Variants in DLG2 observed in about 807,000 individuals in gnomAD.
The protein encoded by DLG2 is disks large homolog 2.
DLG2 carries 45 observed loss-of-function variants against 132.5 expected under a neutral mutation model. The observed-to-expected ratio is 0.34, with a 90% CI of 0.27 to 0.44. The LOEUF (loss-of-function observed/expected upper bound fraction) is 0.44. Ranked by LOEUF, DLG2 falls within the 20% of genes least tolerant of loss-of-function variation. DLG2 has a pLI of 1.00. For missense variants in DLG2, 1,045 were observed against 1,196.9 expected, an observed-to-expected ratio of 0.87 and a Z score of 1.87; for synonymous variants, 424 against 419.6, an observed-to-expected ratio of 1.01 and a Z score of -0.13.
chr11:83,904,817 T>A (rs2154102874), intron 15 of DLG2, among the ~76,000 whole-genome samples: 1 of 152,264 alleles, frequency 6.6e-6, no homozygotes, highest in South Asian at 2.1e-4. Flanking sequence ...CACCTGGCCT[T>A]CTTTGTGTTG....
Position 84,425,809 on chromosome 11 carries a change from C to T in DLG2, c.519+108761G>A, listed in dbSNP as rs555376822. ...TCTGAAGATCTCAAAACTGTGCATC[C>T]TAGAGCAGAGGTAATAAAAATTGTT... On this transcript the variant is annotated intron_variant, in intron 7 of 27. Transcript: ENST00000376104. 3.6e-4 allele frequency among the ~76,000 whole-genome samples: 55 copies of T among 152,172 alleles called. 1 individual carries two copies. The South Asian group carries it at 0.011, about 29-fold the overall frequency.
intron 14 of DLG2, among the ~76,000 whole-genome samples, chr11:83,935,327 C>T (rs1408108589): frequency 2.0e-5 from 3 of 152,066 alleles, no homozygotes; most frequent in Non-Finnish European, 4.4e-5. Flanking sequence ...AATTCCAGTC[C>T]TGGGCTAATA....
rs189556699 is a variant in DLG2, at chr11:85,038,368, A to G, written c.357+73293T>C. On this transcript the variant is annotated intron_variant, in intron 6 of 27. Coordinates refer to ENST00000376104, the MANE Select transcript of DLG2 (RefSeq NM_001142699.3). ...AAAAAAAGTTTTACTTAAATAGCAT[A>G]ATAGTAATTGCTGACAATTCATCTC... is the stretch of plus-strand genomic sequence containing the variant. Among the ~76,000 whole-genome samples the G allele has an allele frequency of 4.5e-4, 69 of 152,212 alleles. 2 individuals are homozygous for G. Among genetic ancestry groups the G allele is most frequent in the African/African-American group, 1.5e-3 (62 of 41,556 alleles).
chr11:84,415,064 T>TA (rs2098924363), intron 7 of DLG2, among the ~76,000 whole-genome samples: 1 of 152,172 alleles, frequency 6.6e-6, no homozygotes, highest in Non-Finnish European at 1.5e-5. Flanking sequence ...CAAATTTCAA[T>TA]ATGCAAAGCA....
At chr11:84,768,836 C>G (rs2068811963) in intron 6 of DLG2, among the ~76,000 whole-genome samples, 1 of 152,054 alleles carries the variant, frequency 6.6e-6, no homozygotes, top group Non-Finnish European at 1.5e-5. Context: ...CCAAGAATCT[C>G]TCCTTTCCCA....
At chr11:85,579,979 G>T (rs2153228619) in intron 3 of DLG2, among the ~76,000 whole-genome samples, 2 of 152,250 alleles carry the variant, frequency 1.3e-5, no homozygotes, top group East Asian at 3.9e-4. Context: ...CACACATGTT[G>T]TGGGAGGGAC....
intron 15 of DLG2, among the ~76,000 whole-genome samples, chr11:83,897,203 C>T (rs1255007518): frequency 6.6e-6 from 1 of 152,174 alleles, no homozygotes; most frequent in Non-Finnish European, 1.5e-5. Context: ...ATACATCCAA[C>T]AGTGTGGATG....
chr11:83,662,870 T>A (rs1381236983), intron 18 of DLG2, among the ~76,000 whole-genome samples: 1 of 152,198 alleles, frequency 6.6e-6, no homozygotes, highest in Non-Finnish European at 1.5e-5. Context: ...TCACAGGATT[T>A]TGTGGCTCTC....
chr11:83,984,472 A>C (rs542063489), intron 11 of DLG2, among the ~76,000 whole-genome samples: 1 of 152,282 alleles, frequency 6.6e-6, no homozygotes, highest in African/African-American at 2.4e-5. Flanking sequence ...TATTCAATTC[A>C]GATGATGAAT....
chr11:84,673,924 T>G (rs566837360), intron 6 of DLG2, among the ~76,000 whole-genome samples: 1 of 152,268 alleles, frequency 6.6e-6, no homozygotes, highest in South Asian at 2.1e-4. Context: ...TGGCTTGCTG[T>G]CTTCTGAATA....
intron 6 of DLG2, among the ~76,000 whole-genome samples, chr11:84,943,161 TGTGTGC>T (rs1242517525): frequency 2.3e-5 from 3 of 130,538 alleles, no homozygotes; most frequent in African/African-American, 9.3e-5. Context: ...GTCGTGTGTG[TGTGTGC>T]GTGTGTGTGT....
chr11:84,771,388 T>A (rs2069360551), intron 6 of DLG2, among the ~76,000 whole-genome samples: 1 of 152,150 alleles, frequency 6.6e-6, no homozygotes, highest in African/African-American at 2.4e-5. Flanking sequence ...GAGCTTTTTT[T>A]CATATGCTTT....
chr11:83,920,678 C>A (rs943719499), intron 15 of DLG2, among the ~76,000 whole-genome samples: 3 of 152,132 alleles, frequency 2.0e-5, no homozygotes, highest in Admixed American at 6.6e-5. Context: ...TTGCTCTCAG[C>A]ACTTTATATA....
At chr11:85,511,845 A>T (rs1247197313) in intron 3 of DLG2, among the ~76,000 whole-genome samples, 1 of 151,820 alleles carries the variant, frequency 6.6e-6, no homozygotes, top group Non-Finnish European at 1.5e-5. Context: ...CAGCCTCCCA[A>T]ATAGCTAGGA....
intron 3 of DLG2, among the ~76,000 whole-genome samples, chr11:85,451,038 C>T (rs2092222643): frequency 6.6e-6 from 1 of 152,112 alleles, no homozygotes; most frequent in Admixed American, 6.6e-5. Flanking sequence ...TATCACCAAC[C>T]CAAAATTATC....
At chr11:85,049,307 A>T (rs1210776625) in intron 6 of DLG2, among the ~76,000 whole-genome samples, 3 of 151,998 alleles carry the variant, frequency 2.0e-5, no homozygotes, top group Admixed American at 6.6e-5. Flanking sequence ...AGGAGTATTT[A>T]AAAAATTTGT....
intron 3 of DLG2, among the ~76,000 whole-genome samples, chr11:85,571,962 T>C (rs192691930): frequency 9.9e-5 from 15 of 152,280 alleles, no homozygotes; most frequent in African/African-American, 2.9e-4. Context: ...GCAGGTTTTA[T>C]TTCCAGGGGT....
At chr11:83,577,309 T>C (rs1302006711) in intron 19 of DLG2, among the ~76,000 whole-genome samples, 2 of 150,710 alleles carry the variant, frequency 1.3e-5, no homozygotes, top group Admixed American at 1.3e-4. Flanking sequence ...CAATAGAATA[T>C]ATATATATCT....
chr11:85,336,040 C>T (rs1596330403), intron 3 of DLG2: 2 of 152,282 alleles, frequency 1.3e-5, no homozygotes, highest in African/African-American at 4.8e-5. Flanking sequence ...GAAGGGCACA[C>T]TATTAACCTG....
Sources: gnomAD v4.1 joint callset for allele counts (sites outside exome capture counted in the v4.1 genomes callset) on GRCh38, gnomAD v4.1.1 for gene constraint, MANE v1.5 for transcripts, NCBI Gene and HGNC (gene_info 2026-07-23, HGNC 2026-07-21) for gene names.